The following RASAL2 variants were observed in gnomAD, a reference collection of about 807,000 sequenced individuals.
The protein encoded by RASAL2 is ras GTPase-activating protein nGAP.
In RASAL2, 58 loss-of-function variants were observed where a neutral mutation model predicts 128.9. That is an observed-to-expected ratio of 0.45 (90% CI 0.36 to 0.56). RASAL2 has a LOEUF of 0.56. Among genes scored for constraint, RASAL2 ranks in the 20% least tolerant of loss-of-function variants. RASAL2 has a pLI of 0.00. For missense variants in RASAL2, 1,360 were observed against 1,601.6 expected, an observed-to-expected ratio of 0.85 and a Z score of 2.57; for synonymous variants, 561 against 580.8, an observed-to-expected ratio of 0.97 and a Z score of 0.49.
chr1:178,314,880 C>T (rs1668430136), intron 3 of RASAL2, among the ~76,000 whole-genome samples: 1 of 149,970 alleles, frequency 6.7e-6, no homozygotes, highest in African/African-American at 2.5e-5. Context: ...TGCTGGTGCG[C>T]TGCACCCACT....
intron 3 of RASAL2, among the ~76,000 whole-genome samples, chr1:178,371,355 T>TACACACACACACACACAC (rs766584516): frequency 2.3e-4 from 29 of 127,760 alleles, no homozygotes; most frequent in African/African-American, 4.9e-4. Flanking sequence ...CACACACAAA[T>TACACACACACACACACAC]ACACACACAC....
At chr1:178,411,037 A>T (rs1298015256) in intron 4 of RASAL2, among the ~76,000 whole-genome samples, 1 of 152,174 alleles carries the variant, frequency 6.6e-6, no homozygotes, top group Non-Finnish European at 1.5e-5. Flanking sequence ...CCCAGAGGAA[A>T]AGAAGTCATA....
chr1:178,209,171 C>G (rs901713656), intron 1 of RASAL2, among the ~76,000 whole-genome samples: 6 of 151,896 alleles, frequency 4.0e-5, no homozygotes, highest in African/African-American at 1.5e-4. Flanking sequence ...ACATATTTTG[C>G]TGTTTTTGGA....
intron 1 of RASAL2, among the ~76,000 whole-genome samples, chr1:178,204,609 C>T (rs947710531): frequency 6.6e-5 from 10 of 152,014 alleles, no homozygotes; most frequent in African/African-American, 9.7e-5. Flanking sequence ...AAAGATGGTT[C>T]GTAAGCCAAA....
At chr1:178,145,558 A>AAG (rs1485824527) in intron 1 of RASAL2, among the ~76,000 whole-genome samples, 2 of 151,340 alleles carry the variant, frequency 1.3e-5, no homozygotes, top group Non-Finnish European at 2.9e-5. Flanking sequence ...CTTTGACAAA[A>AAG]AAAAAAAAAA....
intron 1 of RASAL2, among the ~76,000 whole-genome samples, chr1:178,261,181 T>C (rs1665677217): frequency 6.6e-6 from 1 of 152,216 alleles, no homozygotes; most frequent in Admixed American, 6.5e-5. Context: ...TGAGAAATAC[T>C]TGATTAAAAT....
chr1:178,267,388 G>A (rs549419418), intron 1 of RASAL2, among the ~76,000 whole-genome samples: 12 of 151,508 alleles, frequency 7.9e-5, no homozygotes, highest in Non-Finnish European at 1.6e-4. Context: ...AGTTTTTGGT[G>A]ATTGGTTGGT....
intron 1 of RASAL2, among the ~76,000 whole-genome samples, chr1:178,269,564 A>G (rs1454852684): frequency 1.3e-5 from 2 of 152,142 alleles, no homozygotes; most frequent in Non-Finnish European, 2.9e-5. Context: ...GGTTGCAGTA[A>G]AGGAGCTGGC....
intron 1 of RASAL2, among the ~76,000 whole-genome samples, chr1:178,219,042 A>G (rs991587281): frequency 2.0e-5 from 3 of 152,240 alleles, no homozygotes; most frequent in African/African-American, 7.2e-5. Context: ...TCTTAGCTAG[A>G]TCTTCTGGAT....
intron 1 of RASAL2, among the ~76,000 whole-genome samples, chr1:178,229,331 T>G (rs981369252): frequency 2.0e-5 from 3 of 152,192 alleles, no homozygotes; most frequent in Non-Finnish European, 4.4e-5. Flanking sequence ...TTCATAACTG[T>G]TTTTCCCCAG....
chr1:178,148,469 G>A (rs1156397344), intron 1 of RASAL2, among the ~76,000 whole-genome samples: 2 of 147,740 alleles, frequency 1.4e-5, no homozygotes, highest in East Asian at 3.9e-4. Flanking sequence ...TATTTTTTGA[G>A]ATAGGGTCTC....
At chr1:178,445,417 T>G in intron 8 of RASAL2, 101 bp from the exon 9 acceptor site, 19 of 1,317,870 alleles carry the variant, frequency 1.4e-5, no homozygotes, top group Non-Finnish European at 1.1e-5. Context: ...TAGCTTTAGT[T>G]TTAAAGCAGC....
At chr1:178,405,605 A>G (rs1214224762) in intron 4 of RASAL2, among the ~76,000 whole-genome samples, 1 of 152,266 alleles carries the variant, frequency 6.6e-6, no homozygotes, top group Non-Finnish European at 1.5e-5. Context: ...GGTGGCCTTT[A>G]GAAGCTTGAA....
At chr1:178,371,355 TACACACACAC>T (rs766584516) in intron 3 of RASAL2, among the ~76,000 whole-genome samples, 13 of 127,760 alleles carry the variant, frequency 1.0e-4, no homozygotes, top group Admixed American at 2.3e-4. Context: ...CACACACAAA[TACACACACAC>T]ACACACACAC....
intron 1 of RASAL2, among the ~76,000 whole-genome samples, chr1:178,173,659 C>T (rs1222185014): frequency 6.6e-6 from 1 of 151,916 alleles, no homozygotes; most frequent in Admixed American, 6.6e-5. Flanking sequence ...AGTGGCACAC[C>T]CTGAGATTGA....
chr1:178,236,432 A>C (rs1296724938), intron 1 of RASAL2, among the ~76,000 whole-genome samples: 1 of 152,220 alleles, frequency 6.6e-6, no homozygotes, highest in Admixed American at 6.5e-5. Flanking sequence ...GCCACTAAAA[A>C]CCTGTAGAAT....
At chr1:178,451,100 C>T (rs1677345272) in intron 9 of RASAL2, among the ~76,000 whole-genome samples, 1 of 152,106 alleles carries the variant, frequency 6.6e-6, no homozygotes, top group Non-Finnish European at 1.5e-5. Context: ...AAGAGGTAAA[C>T]ATAGAAGATA....
At chr1:178,442,460 T>C (rs1676719291) in intron 7 of RASAL2, among the ~76,000 whole-genome samples, 1 of 151,978 alleles carries the variant, frequency 6.6e-6, no homozygotes, top group Admixed American at 6.6e-5. Flanking sequence ...ATGAACTATA[T>C]ATAATATATA....
intron 1 of RASAL2, among the ~76,000 whole-genome samples, chr1:178,125,144 T>C (rs770613398): frequency 1.6e-4 from 24 of 152,220 alleles, no homozygotes; most frequent in Non-Finnish European, 3.4e-4. Context: ...TTTAATCTTA[T>C]TTCCTCTAGC....
Sources: gnomAD v4.1 joint callset for allele counts (sites outside exome capture counted in the v4.1 genomes callset) on GRCh38, gnomAD v4.1.1 for gene constraint, MANE v1.5 for transcripts, NCBI Gene and HGNC (gene_info 2026-07-23, HGNC 2026-07-21) for gene names.